Variants in COL1A2 observed in about 807,000 individuals in gnomAD.
COL1A2 encodes collagen type I alpha 2 chain.
In COL1A2, 49 loss-of-function variants were observed where a neutral mutation model predicts 174.3. That is an observed-to-expected ratio of 0.28 (90% CI 0.22 to 0.36). The LOEUF is 0.36. Among genes scored for constraint, COL1A2 ranks in the 10% least tolerant of loss-of-function variants. COL1A2 has a pLI of 1.00. For synonymous variants in COL1A2, 655 were observed against 606.6 expected (o/e 1.08, Z -1.17); for missense variants, 1,438 against 1,822.7 (o/e 0.79, Z 3.84).
chr7:94,410,480 A>C lies in COL1A2; in HGVS notation c.1150A>C (p.Asn384His). The C allele has an allele frequency of 6.5e-7, 1 of 1,550,228 alleles. No individual in the cohort carries two copies. The highest frequency in any genetic ancestry group is 8.7e-7 in the Non-Finnish European group (1 of 1,147,050). ...PSGEEGKRGP[N>H]GEAGSAGPPG... ...TGGTGAAGAAGGAAAGAGAGGCCCT[A>C]ATGGGGAAGCTGGATCTGCCGGCCC... is the stretch of plus-strand genomic sequence containing the variant. Residue 384 changes from asparagine to histidine, a missense_variant, in exon 21 of 52, where the codon AAT (asparagine) becomes CAT (histidine). Around this residue, in one of 3 missense-constraint regions of COL1A2, gnomAD observed 867 missense variants for 1,213.7 expected, o/e 0.71. Transcript: ENST00000297268.
chr7:94,399,350 TC>T (rs1791641916), intron 4 of COL1A2, among the ~76,000 whole-genome samples: 1 of 152,204 alleles, frequency 6.6e-6, no homozygotes, highest in African/African-American at 2.4e-5. Context: ...AATTGACCCA[TC>T]CAACACATGC....
Position 94,397,777 on chromosome 7 carries a change from A to T in COL1A2, c.81+19A>T. 7.8e-7 allele frequency: 1 copy of T among 1,288,808 alleles called. No homozygotes were observed. The highest frequency in any genetic ancestry group is 2.4e-5 in the East Asian group (1 of 42,484). The allele number at this position is 1,288,808 out of a possible 1,614,324, so 79.8% of individuals were successfully genotyped here. Reference sequence around the variant, plus strand: ...ACAAGAGGTGAGTAAAACTTTTTTTAGAATTTTTAAAAATACTTTGATTCC... The same window carrying T: ...ACAAGAGGTGAGTAAAACTTTTTTTTGAATTTTTAAAAATACTTTGATTCC... On this transcript the variant is annotated intron_variant, in intron 2 of 51. Coordinates refer to ENST00000297268, the MANE Select transcript of COL1A2 (RefSeq NM_000089.4).
Position 94,430,269 on chromosome 7 carries a change from A to C in COL1A2, c.3977A>C (p.Lys1326Thr). 1 of 1,613,994 alleles carries C rather than the reference A, an allele frequency of 6.2e-7. No homozygotes were observed. The highest frequency in any genetic ancestry group is 8.5e-7 in the Non-Finnish European group (1 of 1,179,886). ...CAGAAAAAGACAAATGAATGGGGAA[A>C]GACAATCATTGAATACAAAACAAAT... ...GCSKKTNEWG[K>T]TIIEYKTNKP... is the part of the protein sequence containing the mutation. Residue 1326 changes from lysine to threonine, a missense_variant, in exon 52 of 52, where the codon AAG becomes ACG. Transcript: ENST00000297268.
intron 5 of COL1A2, 51 bp downstream of exon 5, chr7:94,400,339 G>A (rs764562654): frequency 2.8e-6 from 4 of 1,448,544 alleles, no homozygotes; most frequent in South Asian, 2.3e-5. Context: ...GTTGAAAGAA[G>A]GTTTATTGTG....
rs1554396615 is a variant in COL1A2 at position 94,412,683 on chromosome 7, G to A, written c.1503+1G>A. On this transcript the variant is annotated splice_donor_variant, in intron 25 of 51. Coordinates refer to ENST00000297268, the MANE Select transcript of COL1A2 (RefSeq NM_000089.4). LOFTEE classifies it high-confidence loss of function. ...ATTCCCTGGACCCAAAGGCCCCACT[G>A]TAAGAATCACCACAACTTTCTTACC... 1.2e-6 allele frequency: 2 copies of A among 1,613,634 alleles called. No individual in the cohort carries two copies. The highest frequency in any genetic ancestry group is 8.5e-7 in the Non-Finnish European group (1 of 1,179,594).
At chr7:94,405,620 T>C (rs553931839) in intron 10 of COL1A2, 53 bp from the exon 11 acceptor site, 9 of 1,489,480 alleles carry the variant, frequency 6.0e-6, no homozygotes, top group Non-Finnish European at 8.4e-6. Flanking sequence ...GAAGTCACTG[T>C]CTTTTTATTT....
At position 94,404,592 on chromosome 7, in the gene COL1A2, G is replaced by A. The variant is rs1202243940; in HGVS notation, c.316G>A (p.Gly106Arg). The stretch of plus-strand genomic sequence containing the variant: ...ACCTAGAGGCCCACCTGGTGCAGCT[G>A]GAGCCCCAGTAAGTACTGAAAGCTT... ...MGPRGPPGAA[G>R]APGPQGFQGP... The change falls in exon 7 of 52, where the codon GGA (glycine) becomes AGA (arginine). Residue 106 changes from glycine to arginine, a missense_variant. Gly to Arg is a moderately radical substitution (Grantham distance 125). This residue lies in a region of COL1A2 where 281 missense variants were observed against 310.9 expected (regional missense o/e 0.90). Coordinates refer to ENST00000297268, the MANE Select transcript of COL1A2 (RefSeq NM_000089.4). The A allele has an allele frequency of 6.2e-7, 1 of 1,613,882 alleles. No homozygotes were observed. Among genetic ancestry groups the A allele is most frequent in the African/African-American group, 1.3e-5 (1 of 75,036 alleles).
rs199584976 is a variant in COL1A2, at chr7:94,418,480, T to C, written c.1972-19T>C. The C allele has an allele frequency of 1.6e-5, 26 of 1,613,256 alleles. No homozygotes were observed. In the East Asian group the frequency reaches 5.6e-4, roughly 35 times the overall value. On this transcript the variant is annotated intron_variant, in intron 32 of 51. Coordinates refer to ENST00000297268, the MANE Select transcript of COL1A2 (RefSeq NM_000089.4). ...TTTTGGTCAGAAAACAAAAAGTTGC[T>C]CTTGCTTTATACTTTCAGGGTGAAC...
At chr7:94,406,679 A>C (rs1342298458) in intron 12 of COL1A2, among the ~76,000 whole-genome samples, 4 of 152,140 alleles carry the variant, frequency 2.6e-5, no homozygotes, top group Non-Finnish European at 5.9e-5. Flanking sequence ...TTTGCCACAC[A>C]CTAATTAGAT....
At chr7:94,419,469 A>T in intron 33 of COL1A2, 29 bp from the exon 34 acceptor site, 1 of 1,612,920 alleles carries the variant, frequency 6.2e-7, no homozygotes, top group Non-Finnish European at 8.5e-7. Context: ...GGGTGTTATT[A>T]ATAAGACATG....
chr7:94,418,163 GC>G (rs892833238), intron 32 of COL1A2, among the ~76,000 whole-genome samples: 21 of 152,302 alleles, frequency 1.4e-4, no homozygotes, highest in Admixed American at 1.2e-3. Context: ...CATTAGTTAT[GC>G]CGTAAGAGTG....
chr7:94,412,841 T>TGTATCCTTA (rs1791956958), intron 25 of COL1A2, among the ~76,000 whole-genome samples, 159 bp downstream of exon 25: 1 of 152,210 alleles, frequency 6.6e-6, no homozygotes, highest in Admixed American at 6.5e-5. Context: ...TTACCTCTAG[T>TGTATCCTTA]GTATCCTTAT....
chr7:94,422,832 A>C (rs766385833), intron 39 of COL1A2, 125 bp from the exon 40 acceptor site: 905 of 1,170,168 alleles, frequency 7.7e-4, no homozygotes, highest in Non-Finnish European at 1.1e-3. Flanking sequence ...TATTTCCCCC[A>C]AATGGCCAGG....
chr7:94,411,048 T>C lies in COL1A2; in HGVS notation c.1252-8T>C, dbSNP rs1286264969. 2.5e-6 allele frequency: 4 copies of C among 1,599,288 alleles called. No individual in the cohort carries two copies. The highest frequency in any genetic ancestry group is 3.4e-6 in the Non-Finnish European group (4 of 1,173,010). On this transcript the variant is annotated splice_polypyrimidine_tract_variant and splice_region_variant and intron_variant, in intron 22 of 51. Coordinates refer to ENST00000297268, the MANE Select transcript of COL1A2 (RefSeq NM_000089.4). ...TCCTCTATCTGTTTTTTTTTTTTTT[T>C]TGAATAGGGCCCTCCTGGTAGTCGT...
chr7:94,418,431 C>A, intron 32 of COL1A2, 68 bp from the exon 33 acceptor site: 1 of 1,368,466 alleles, frequency 7.3e-7, no homozygotes, highest in Non-Finnish European at 1.0e-6. Context: ...AAGAAAAAAA[C>A]TTCATATTAA....
chr7:94,420,891 G>C, intron 37 of COL1A2, 118 bp from the exon 38 acceptor site: 1 of 1,064,286 alleles, frequency 9.4e-7, no homozygotes, highest in Non-Finnish European at 1.4e-6. Context: ...GACACAGATA[G>C]TCATTTTTTA....
chr7:94,413,604 T>C, intron 26 of COL1A2, 86 bp from the exon 27 acceptor site: 1 of 1,306,546 alleles, frequency 7.7e-7, no homozygotes. Flanking sequence ...CAAACTTGTT[T>C]TAAGGAAGTA....
At chr7:94,412,039 A>G (rs1203267464) in intron 23 of COL1A2, 29 bp from the exon 24 acceptor site, 1 of 1,589,638 alleles carries the variant, frequency 6.3e-7, no homozygotes, top group Non-Finnish European at 8.6e-7. Flanking sequence ...TAAAGTGCCA[A>G]TATAAAAACA....
chr7:94,415,141 T>C, intron 29 of COL1A2, 85 bp from the exon 30 acceptor site: 1 of 1,301,452 alleles, frequency 7.7e-7, no homozygotes, highest in East Asian at 2.3e-5. Flanking sequence ...TATTTCACTC[T>C]TTCCAAATTT....
Sources: allele counts gnomAD v4.1 joint callset (sites outside exome capture counted in the v4.1 genomes callset), GRCh38; gene constraint gnomAD v4.1.1; regional missense constraint gnomAD v4.1.1; transcripts MANE v1.5; gene names NCBI Gene and HGNC (gene_info 2026-07-23, HGNC 2026-07-21).